ADAMTS9: variants seen among roughly 807,000 people sequenced by gnomAD.
The protein encoded by ADAMTS9 is ADAM metallopeptidase with thrombospondin type 1 motif 9.
ADAMTS9 carries 107 observed loss-of-function variants against 257.1 expected under a neutral mutation model. The observed-to-expected ratio is 0.42, with a 90% CI of 0.36 to 0.49. The LOEUF (loss-of-function observed/expected upper bound fraction) is 0.49, where lower values mean the gene tolerates loss of function less well. Ranked by LOEUF, ADAMTS9 falls within the 20% of genes least tolerant of loss-of-function variation. The pLI is 0.03. For synonymous variants in ADAMTS9, 982 were observed against 880.9 expected (o/e 1.11, Z -2.03); for missense variants, 2,353 against 2,469.1 (o/e 0.95, Z 1.00).
chr3:64,535,439 T>C (rs2083036994), intron 37 of ADAMTS9, among the ~76,000 whole-genome samples: 1 of 152,138 alleles, frequency 6.6e-6, no homozygotes, highest in Non-Finnish European at 1.5e-5. Context: ...GGTTCTTATG[T>C]GGCATGGCTG....
At chr3:64,608,257 C>CAAAAAAAAAAAAAAAAAAAAAAAAAA (rs1491173200) in intron 22 of ADAMTS9, among the ~76,000 whole-genome samples, 1 of 71,164 alleles carries the variant, frequency 1.4e-5, no homozygotes, top group Non-Finnish European at 2.6e-5. Context: ...CAAACTAAAA[C>CAAAAAAAAAAAAAAAAAAAAAAAAAA]CAAAAAAAAA....
intron 27 of ADAMTS9, among the ~76,000 whole-genome samples, chr3:64,596,092 T>G (rs1167077836): frequency 6.6e-6 from 1 of 152,228 alleles, no homozygotes; most frequent in South Asian, 2.1e-4. Context: ...TGCTACGCAT[T>G]TGATAGATAC....
At position 64,617,098 on chromosome 3, in the gene ADAMTS9, C is replaced by T. The variant is rs565342954; in HGVS notation, c.2814-928G>A. On this transcript the variant is annotated intron_variant, in intron 19 of 39. Coordinates refer to ENST00000498707, the MANE Select transcript of ADAMTS9 (RefSeq NM_182920.2). ...ATATTTGGGGGATTTTGTTCTAACC[C>T]GGAACATGTTCAATGAGAAATTGTA... Among the ~76,000 whole-genome samples, 189 of 152,250 alleles carry T rather than the reference C, an allele frequency of 1.2e-3. 1 individual carries two copies. Among genetic ancestry groups the T allele is most frequent in the African/African-American group, 4.3e-3 (180 of 41,532 alleles).
At chr3:64,567,173 A>G (rs188662982) in intron 29 of ADAMTS9, among the ~76,000 whole-genome samples, 2 of 152,324 alleles carry the variant, frequency 1.3e-5, no homozygotes, top group Admixed American at 1.3e-4. Context: ...GGAATTTTCC[A>G]TTAGTCATAT....
intron 3 of ADAMTS9, among the ~76,000 whole-genome samples, chr3:64,668,782 C>T (rs761739350): frequency 1.3e-5 from 2 of 152,104 alleles, no homozygotes; most frequent in Non-Finnish European, 2.9e-5. Flanking sequence ...CACTGCAGCT[C>T]GTGGGTGGCC....
chr3:64,628,833 T>C (rs1461107117), intron 16 of ADAMTS9, among the ~76,000 whole-genome samples: 1 of 152,208 alleles, frequency 6.6e-6, no homozygotes, highest in Non-Finnish European at 1.5e-5. Flanking sequence ...TCAGCAATCA[T>C]CTGCTTTGTA....
intron 30 of ADAMTS9, among the ~76,000 whole-genome samples, chr3:64,560,652 T>G (rs2083404514): frequency 6.6e-6 from 1 of 152,150 alleles, no homozygotes. Context: ...CCTTGTCTGG[T>G]GGTTAAAAAG....
At chr3:64,596,085 T>TA (rs762377406) in intron 27 of ADAMTS9, among the ~76,000 whole-genome samples, 1 of 152,260 alleles carries the variant, frequency 6.6e-6, no homozygotes, top group Non-Finnish European at 1.5e-5. Flanking sequence ...GGCGATGTGC[T>TA]ACGCATTTGA....
At chr3:64,579,552 C>A (rs187133579) in intron 28 of ADAMTS9, among the ~76,000 whole-genome samples, 100 of 152,084 alleles carry the variant, frequency 6.6e-4, no homozygotes, top group African/African-American at 2.3e-3. Flanking sequence ...AGAAGGTAAG[C>A]GTAATGAGTT....
chr3:64,672,494 C>A (rs994594690), intron 3 of ADAMTS9, among the ~76,000 whole-genome samples: 1 of 152,116 alleles, frequency 6.6e-6, no homozygotes, highest in Non-Finnish European at 1.5e-5. Flanking sequence ...ACAAGCCTGG[C>A]TAACATGGCA....
chr3:64,640,879 T>A (rs1700619671), intron 12 of ADAMTS9, among the ~76,000 whole-genome samples: 1 of 151,888 alleles, frequency 6.6e-6, no homozygotes, highest in Non-Finnish European at 1.5e-5. Context: ...GGGAAAAAAG[T>A]CCATGGACTT....
rs759709465 is a variant in ADAMTS9, at chr3:64,607,076, T to C, written c.3358A>G (p.Ser1120Gly). The stretch of plus-strand genomic sequence containing the variant: ...TGGTATCCCTGTCCACAAGTGACAC[T>C]GCACTGGAAGAAGGAGGACAAAAGG... ...SWQAGPWGQC[S>G]VTCGQGYQLR... is the part of the protein sequence containing the mutation. Residue 1120 changes from serine (S) to glycine (G), a missense_variant, in exon 23 of 40, where the codon AGT becomes GGT. Transcript: ENST00000498707. 3.7e-6 allele frequency: 6 copies of C among 1,613,694 alleles called. No individual in the cohort carries two copies. The highest frequency in any genetic ancestry group is 5.1e-6 in the Non-Finnish European group (6 of 1,179,734).
chr3:64,680,788 T>C (rs1436658847), intron 3 of ADAMTS9, among the ~76,000 whole-genome samples: 1 of 152,064 alleles, frequency 6.6e-6, no homozygotes, highest in African/African-American at 2.4e-5. Context: ...TAACCCTACA[T>C]GGTGAAACAA....
intron 26 of ADAMTS9, among the ~76,000 whole-genome samples, chr3:64,598,754 C>T (rs1184335170): frequency 6.6e-6 from 1 of 152,124 alleles, no homozygotes; most frequent in Non-Finnish European, 1.5e-5. Flanking sequence ...ATAGATTTGT[C>T]ATCTATATCT....
In ADAMTS9 at chr3:64,621,213, G is replaced by T. The variant is rs572458398; in HGVS notation, c.2714C>A (p.Thr905Asn). ...QGERKRKLVC[T>N]RESDQLTVSD... Reference sequence around the variant, plus strand: ...AACAGTAAGCTGATCAGATTCCCTGGTGCAAACAAGTTTTCGTTTCCGTTC... The same window carrying T: ...AACAGTAAGCTGATCAGATTCCCTGTTGCAAACAAGTTTTCGTTTCCGTTC... The change falls in exon 19 of 40, where the codon ACC (threonine) becomes AAC (asparagine). Residue 905 changes from threonine (T) to asparagine (N), a missense_variant. By Grantham distance (65) the Thr-to-Asn change is moderately conservative (BLOSUM62 0). Transcript: ENST00000498707. 1 of 1,613,616 alleles carries T rather than the reference G, an allele frequency of 6.2e-7. No individual in the cohort carries two copies. The highest frequency in any genetic ancestry group is 1.1e-5 in the South Asian group (1 of 91,066).
At chr3:64,522,319 C>A (rs1469577665) in intron 38 of ADAMTS9, 59 bp from the exon 39 acceptor site, 3 of 1,522,862 alleles carry the variant, frequency 2.0e-6, no homozygotes, top group African/African-American at 1.4e-5. Context: ...AGGGCCTGCA[C>A]TGGCTTTTTG....
At chr3:64,652,701 C>A (rs149631058) in intron 8 of ADAMTS9, among the ~76,000 whole-genome samples, 35 of 152,200 alleles carry the variant, frequency 2.3e-4, no homozygotes, top group African/African-American at 7.2e-4. Flanking sequence ...ACGATAATAA[C>A]CACAACTTTT....
Position 64,655,805 on chromosome 3 carries a change from A to C in ADAMTS9, c.1040T>G (p.Ile347Ser). The change falls in exon 5 of 40, where the codon ATT (isoleucine) becomes AGT (serine). Residue 347 changes from isoleucine to serine, a missense_variant. By Grantham distance (142) the Ile-to-Ser change is moderately radical. Transcript: ENST00000498707. ...AAACTTTATTACCTGTTCATTATGA[A>C]TCACAATTAAGTTCACAATAACAAT... Reference protein sequence around the residue: ...INIVIVNLIVIHNEQDGPSIS... With the variant: ...INIVIVNLIVSHNEQDGPSIS... 6.4e-6 allele frequency: 10 copies of C among 1,573,118 alleles called. No homozygotes were observed. Among genetic ancestry groups the C allele is most frequent in the Non-Finnish European group, 8.6e-6 (10 of 1,162,340 alleles).
chr3:64,610,859 G>A (rs975579595), intron 22 of ADAMTS9, among the ~76,000 whole-genome samples: 4 of 152,008 alleles, frequency 2.6e-5, no homozygotes, highest in African/African-American at 4.8e-5. Flanking sequence ...GGCAGATCAC[G>A]AGGTCAGGAG....
Sources: gnomAD v4.1 joint callset for allele counts (sites outside exome capture counted in the v4.1 genomes callset) on GRCh38, gnomAD v4.1.1 for gene constraint, MANE v1.5 for transcripts, NCBI Gene and HGNC (gene_info 2026-07-23, HGNC 2026-07-21) for gene names.